The following NTNG1 variants were observed in gnomAD, a reference collection of about 807,000 sequenced individuals.
NTNG1 encodes netrin-G1.
Under a neutral mutation model 54.0 loss-of-function variants are expected in NTNG1, and 16 were observed. The observed-to-expected ratio is 0.30, with a 90% confidence interval of 0.20 to 0.45. NTNG1 has a LOEUF of 0.45. NTNG1 is among the 20% of genes least tolerant of loss of function. The pLI, the probability that NTNG1 is intolerant of heterozygous loss-of-function variation, is 1.00. For synonymous variants in NTNG1, 255 were observed against 263.1 expected (o/e 0.97, Z 0.30); for missense variants, 530 against 678.7 (o/e 0.78, Z 2.43).
chr1:107,303,843 C>A (rs1212351216), intron 2 of NTNG1, among the ~76,000 whole-genome samples: 1 of 152,100 alleles, frequency 6.6e-6, no homozygotes, highest in Non-Finnish European at 1.5e-5. Flanking sequence ...CACGCCACCA[C>A]ACCTGGCTAA....
chr1:107,314,360 C>T (rs1451418280), intron 2 of NTNG1, among the ~76,000 whole-genome samples: 1 of 152,104 alleles, frequency 6.6e-6, no homozygotes, highest in East Asian at 1.9e-4. Context: ...GATCGCACCA[C>T]TGCACTCCAG....
At chr1:107,421,015 TAA>T in intron 5 of NTNG1, 2 of 1,080,164 alleles carry the variant, frequency 1.9e-6, no homozygotes, top group South Asian at 2.7e-5. Flanking sequence ...GGGTTGGTGA[TAA>T]GTTATTACAG....
At chr1:107,272,986 G>GT (rs1364626738) in intron 2 of NTNG1, among the ~76,000 whole-genome samples, 1 of 152,152 alleles carries the variant, frequency 6.6e-6, no homozygotes, top group Non-Finnish European at 1.5e-5. Flanking sequence ...TACTGTCATT[G>GT]TTTTGCAAGC....
chr1:107,362,113 C>T (rs1335998727), intron 3 of NTNG1, among the ~76,000 whole-genome samples: 2 of 152,160 alleles, frequency 1.3e-5, no homozygotes, highest in African/African-American at 4.8e-5. Context: ...AAAGAGCACC[C>T]ATCCCTGAAA....
At chr1:107,369,120 T>A (rs1042785968) in intron 3 of NTNG1, among the ~76,000 whole-genome samples, 1 of 152,228 alleles carries the variant, frequency 6.6e-6, no homozygotes, top group Non-Finnish European at 1.5e-5. Flanking sequence ...ACTTTATTGA[T>A]GTGTATTATT....
At chr1:107,237,412 C>A (rs1050728529) in intron 2 of NTNG1, among the ~76,000 whole-genome samples, 2 of 152,058 alleles carry the variant, frequency 1.3e-5, no homozygotes, top group Non-Finnish European at 2.9e-5. Context: ...CCTGACAATG[C>A]AATAGAAAAG....
chr1:107,376,548 C>T (rs1671272695), intron 3 of NTNG1, among the ~76,000 whole-genome samples: 1 of 152,198 alleles, frequency 6.6e-6, no homozygotes, highest in Non-Finnish European at 1.5e-5. Flanking sequence ...TCAGGAAACC[C>T]TGTGAGGAGC....
intron 2 of NTNG1, among the ~76,000 whole-genome samples, chr1:107,259,983 C>T (rs1268117436): frequency 6.6e-6 from 1 of 151,962 alleles, no homozygotes; most frequent in Non-Finnish European, 1.5e-5. Context: ...AGAGGGACAC[C>T]ATAGAGCCGA....
At chr1:107,398,565 A>G (rs1033667988) in intron 4 of NTNG1, among the ~76,000 whole-genome samples, 2 of 152,140 alleles carry the variant, frequency 1.3e-5, no homozygotes, top group Non-Finnish European at 2.9e-5. Flanking sequence ...AGTCTGTGAG[A>G]CACACCACAT....
chr1:107,145,327 T>C (rs1310179959), intron 1 of NTNG1, among the ~76,000 whole-genome samples: 1 of 152,080 alleles, frequency 6.6e-6, no homozygotes, highest in African/African-American at 2.4e-5. Flanking sequence ...TTGTGTGTCA[T>C]GGAAGTTCAT....
chr1:107,306,711 C>A lies in NTNG1; in HGVS notation c.247-17571C>A, dbSNP rs1417426015. ...GGTTGCAGTGAGCCGAGATCACGCC[C>A]TTGCGCTCCAGCCTGGGAGACAGAA... On this transcript the variant is annotated intron_variant, in intron 2 of 7. Transcript: ENST00000370068. Among the ~76,000 whole-genome samples the A allele has an allele frequency of 2.6e-5, 4 of 151,354 alleles. 1 individual carries two copies. The highest frequency in any genetic ancestry group is 9.8e-5 in the African/African-American group (4 of 41,016).
intron 3 of NTNG1, among the ~76,000 whole-genome samples, chr1:107,377,157 T>C (rs1028205423): frequency 2.6e-5 from 4 of 152,208 alleles, no homozygotes; most frequent in African/African-American, 7.2e-5. Context: ...AACAAGGTTG[T>C]TGAATTTAAC....
chr1:107,375,594 G>T (rs190173302), intron 3 of NTNG1, among the ~76,000 whole-genome samples: 1 of 152,226 alleles, frequency 6.6e-6, no homozygotes, highest in East Asian at 1.9e-4. Flanking sequence ...TGCCCTTATT[G>T]GATATGAAAG....
At chr1:107,336,184 TC>T in intron 3 of NTNG1, among the ~76,000 whole-genome samples, 1 of 150,812 alleles carries the variant, frequency 6.6e-6, no homozygotes, top group Admixed American at 6.6e-5. Context: ...ATGTTGTTGT[TC>T]TTTTTTTTTT....
intron 2 of NTNG1, among the ~76,000 whole-genome samples, chr1:107,158,991 T>G (rs754411178): frequency 3.3e-5 from 5 of 152,158 alleles, no homozygotes; most frequent in Non-Finnish European, 7.4e-5. Context: ...GCCTCAATCT[T>G]TTTGAAAATG....
At chr1:107,333,339 A>G (rs975075561) in intron 3 of NTNG1, among the ~76,000 whole-genome samples, 1 of 152,086 alleles carries the variant, frequency 6.6e-6, no homozygotes, top group East Asian at 1.9e-4. Context: ...AGATTTTTAT[A>G]CTATTTTACT....
chr1:107,213,955 T>C (rs746034087), intron 2 of NTNG1, among the ~76,000 whole-genome samples: 33 of 152,204 alleles, frequency 2.2e-4, no homozygotes, highest in Non-Finnish European at 3.8e-4. Context: ...TTTTAAAATA[T>C]ATTTTGGATA....
intron 3 of NTNG1, among the ~76,000 whole-genome samples, chr1:107,394,108 C>A (rs1672534515): frequency 6.6e-6 from 1 of 151,982 alleles, no homozygotes; most frequent in South Asian, 2.1e-4. Flanking sequence ...TTCTCTACCC[C>A]TGCCCAGGCT....
At chr1:107,434,014 G>A (rs1675446368) in intron 6 of NTNG1, among the ~76,000 whole-genome samples, 1 of 152,158 alleles carries the variant, frequency 6.6e-6, no homozygotes, top group South Asian at 2.1e-4. Context: ...TGTATAGAAA[G>A]CACTAATGAA....
Sources: gnomAD v4.1 joint callset for allele counts (sites outside exome capture counted in the v4.1 genomes callset) on GRCh38, gnomAD v4.1.1 for gene constraint, MANE v1.5 for transcripts, NCBI Gene and HGNC (gene_info 2026-07-23, HGNC 2026-07-21) for gene names.